IL3RA: variants seen among roughly 807,000 people sequenced by gnomAD.
IL3RA encodes interleukin 3 receptor subunit alpha.
Under a neutral mutation model 52.3 loss-of-function variants are expected in IL3RA, and 73 were observed. The ratio of observed to expected loss-of-function variants is 1.40; its 90% CI spans 1.16 to 1.70. The LOEUF (loss-of-function observed/expected upper bound fraction) is 1.70. Among genes scored for constraint, IL3RA ranks in the 40% most tolerant of loss-of-function variants. The pLI is 0.00. For missense variants in IL3RA, 664 were observed against 504.4 expected (o/e 1.32, Z -3.03); for synonymous variants, 260 against 194.0 (o/e 1.34, Z -2.83).
chrX:1,361,755 G>GA (rs1156722120), intron 8 of IL3RA, among the ~76,000 whole-genome samples: 3,875 of 81,708 alleles, frequency 0.047, 231 homozygotes, highest in African/African-American at 0.15. Flanking sequence ...TCCGTCTCGA[G>GA]AAAAAAAAAA....
intron 6 of IL3RA, 28 bp from the exon 7 acceptor site, chrX:1,356,193 A>T (rs1305355466): frequency 1.8e-6 from 2 of 1,110,700 alleles, no homozygotes; most frequent in Admixed American, 2.1e-5. Flanking sequence ...GTACTCCTAA[A>T]TCCTAAAAGT....
chrX:1,380,093 C>T (rs1433184237), intron 10 of IL3RA, among the ~76,000 whole-genome samples: 7 of 151,618 alleles, frequency 4.6e-5, no homozygotes, highest in Non-Finnish European at 7.4e-5. Context: ...GGAGTTTCTC[C>T]GTGTTGATCA....
At chrX:1,349,012 T>C (rs1569520796) in intron 4 of IL3RA, among the ~76,000 whole-genome samples, 1 of 130,446 alleles carries the variant, frequency 7.7e-6, no homozygotes, top group Non-Finnish European at 1.6e-5. Context: ...TCCCCTCCTC[T>C]CCCCTCTCCT....
Position 1,348,477 on chromosome X carries a change from A to G in IL3RA, c.230A>G (p.Glu77Gly), listed in dbSNP as rs17886756. ...YCQFGAISLCEVTNYTVRVAN... is the reference protein window; with the variant it reads ...YCQFGAISLCGVTNYTVRVAN... ...CAGTTTGGAGCAATTTCCTTATGTG[A>G]AGTGACCAACTACACCGTCCGAGTG... Residue 77 changes from glutamate to glycine, a missense_variant, in exon 4 of 12, where the codon GAA becomes GGA. Glu to Gly is a moderately conservative substitution (Grantham distance 98, BLOSUM62 -2). Coordinates refer to ENST00000331035, the MANE Select transcript of IL3RA (RefSeq NM_002183.4). 2.5e-6 allele frequency: 4 copies of G among 1,613,892 alleles called. No individual in the cohort carries two copies. Among genetic ancestry groups the G allele is most frequent in the Admixed American group, 1.7e-5 (1 of 59,988 alleles).
At chrX:1,343,053 C>T (rs372762772) in intron 2 of IL3RA, among the ~76,000 whole-genome samples, 10 of 150,808 alleles carry the variant, frequency 6.6e-5, no homozygotes, top group South Asian at 4.2e-4. Context: ...CCAGCCTGGG[C>T]GACAGAGTGA....
chrX:1,364,624 C>A (rs1365719906), intron 8 of IL3RA, among the ~76,000 whole-genome samples: 1 of 151,408 alleles, frequency 6.6e-6, no homozygotes, highest in Non-Finnish European at 1.5e-5. Flanking sequence ...ACATGTGTCA[C>A]CACGTCTGGT....
At position 1,341,734 on chromosome X, in the gene IL3RA, C is replaced by T. The variant is rs745683914; in HGVS notation, c.-32C>T. On this transcript the variant is annotated 5_prime_UTR_variant, in exon 2 of 12. Coordinates refer to ENST00000331035, the MANE Select transcript of IL3RA (RefSeq NM_002183.4). Reference sequence around the variant, plus strand: ...ACTCTCGTTTCTCCTGCAGCAGGCACCTCTGTCCTGCGTTCCGGAGCTGCG... The same window carrying T: ...ACTCTCGTTTCTCCTGCAGCAGGCATCTCTGTCCTGCGTTCCGGAGCTGCG... 1.3e-5 allele frequency: 21 copies of T among 1,612,788 alleles called. No individual in the cohort carries two copies. The South Asian group carries it at 1.6e-4, about 13-fold the overall frequency.
chrX:1,356,693 A>G (rs1490400196), intron 7 of IL3RA, among the ~76,000 whole-genome samples: 5 of 149,546 alleles, frequency 3.3e-5, no homozygotes, highest in Non-Finnish European at 7.4e-5. Context: ...AATTGCTTGA[A>G]CCCAGGAGGT....
chrX:1,365,301 CGCGGGGTGAGCGG>C (rs2087857480), intron 9 of IL3RA, 49 bp downstream of exon 9: 1 of 980,750 alleles, frequency 1.0e-6, no homozygotes, highest in Non-Finnish European at 1.4e-6. Flanking sequence ...GAGCGGGGTG[CGCGGGGTGAGCGG>C]GGTGCGCGGG....
chrX:1,342,559 CTTTTTT>C (rs751414193), intron 2 of IL3RA, among the ~76,000 whole-genome samples: 1 of 111,318 alleles, frequency 9.0e-6, no homozygotes, highest in African/African-American at 3.4e-5. Context: ...TCTTTAACTT[CTTTTTT>C]TTTTTTTTTT....
intron 2 of IL3RA, among the ~76,000 whole-genome samples, chrX:1,343,818 T>C (rs182190833): frequency 5.5e-5 from 8 of 146,514 alleles, no homozygotes; most frequent in East Asian, 2.1e-4. Context: ...TTTTTTGAGA[T>C]GGAGTCTCGC....
intron 2 of IL3RA, among the ~76,000 whole-genome samples, chrX:1,342,726 A>C (rs73624882): frequency 2.7e-5 from 4 of 150,552 alleles, no homozygotes; most frequent in Admixed American, 2.0e-4. Context: ...ACGCCCAGCT[A>C]ATTTTTCTGT....
intron 8 of IL3RA, among the ~76,000 whole-genome samples, chrX:1,364,802 A>AT (rs2087786819): frequency 3.3e-5 from 5 of 149,256 alleles, no homozygotes; most frequent in Admixed American, 2.7e-4. Flanking sequence ...TTATTTATTT[A>AT]TTTATTTATT....
chrX:1,382,322 G>C, intron 11 of IL3RA, 69 bp from the exon 12 acceptor site: 1 of 970,368 alleles, frequency 1.0e-6, no homozygotes, highest in Non-Finnish European at 1.4e-6. Flanking sequence ...ACAGGCCCCC[G>C]CAGATCAGGA....
Position 1,382,499 on chromosome X carries a change from A to T in IL3RA, c.*34A>T. On this transcript the variant is annotated 3_prime_UTR_variant, in exon 12 of 12. Coordinates refer to ENST00000331035, the MANE Select transcript of IL3RA (RefSeq NM_002183.4). ...TTCAGGGCTTGTGGGGGTCTGCCTC[A>T]ATCTCCCTGGCCGGGCCAGGCGCCT... is the stretch of plus-strand genomic sequence containing the variant. The T allele has an allele frequency of 6.2e-7, 1 of 1,602,576 alleles. No individual in the cohort carries two copies. The highest frequency in any genetic ancestry group is 1.1e-5 in the South Asian group (1 of 90,886).
intron 3 of IL3RA, 141 bp downstream of exon 3, chrX:1,345,575 C>T: frequency 6.3e-6 from 3 of 479,910 alleles, no homozygotes; most frequent in East Asian, 3.7e-5. Context: ...CTGCAACCTC[C>T]ACCTCCCAGG....
chrX:1,360,408 G>A (rs2087157055), intron 8 of IL3RA, among the ~76,000 whole-genome samples: 1 of 142,464 alleles, frequency 7.0e-6, no homozygotes, highest in Non-Finnish European at 1.5e-5. Flanking sequence ...CTGTGTCTCT[G>A]TCTCTCCCTC....
chrX:1,357,840 C>T (rs769419788), intron 7 of IL3RA, among the ~76,000 whole-genome samples: 96 of 148,642 alleles, frequency 6.5e-4, no homozygotes, highest in African/African-American at 2.1e-3. Flanking sequence ...CAGTAGCTTA[C>T]GCCTGTAATC....
In IL3RA at chrX:1,365,164, A is replaced by C. The variant is rs751696121; in HGVS notation, c.786A>C (p.Leu262=). 2 of 1,610,290 alleles carry C rather than the reference A, an allele frequency of 1.2e-6. No individual in the cohort carries two copies. Among genetic ancestry groups the C allele is most frequent in the South Asian group, 1.1e-5 (1 of 91,040 alleles). ...TCAGAGACAGAACCTCCTTCCAGCT[A>C]CTCAATCCTGGAACGTACACAGTAC... is the stretch of plus-strand genomic sequence containing the variant. ...EQVRDRTSFQ[L]LNPGTYTVQI... Residue 262 remains leucine (L), a synonymous_variant, in exon 9 of 12, where the codon CTA becomes CTC. Coordinates refer to ENST00000331035, the MANE Select transcript of IL3RA (RefSeq NM_002183.4).
Sources: allele counts gnomAD v4.1 joint callset (sites outside exome capture counted in the v4.1 genomes callset), GRCh38; gene constraint gnomAD v4.1.1; transcripts MANE v1.5; gene names NCBI Gene and HGNC (gene_info 2026-07-23, HGNC 2026-07-21).